Variants in CYRIA observed in about 807,000 individuals in gnomAD.
CYRIA encodes the protein CYFIP-related Rac1 interactor A.
In CYRIA, 15 loss-of-function variants were observed where a neutral mutation model predicts 43.9. The observed-to-expected ratio is 0.34, with a 90% CI of 0.23 to 0.53. CYRIA has a LOEUF of 0.53. CYRIA is among the 20% of genes least tolerant of loss of function. The pLI, the probability that CYRIA is intolerant of heterozygous loss-of-function variation, is 0.94. For synonymous variants in CYRIA, 117 were observed against 136.0 expected (o/e 0.86, Z 0.97); for missense variants, 236 against 394.2 (o/e 0.60, Z 3.40).
At chr2:16,553,699 T>C (rs1048507656) in intron 11 of CYRIA, among the ~76,000 whole-genome samples, 30 of 152,118 alleles carry the variant, frequency 2.0e-4, no homozygotes, top group African/African-American at 7.2e-4. Context: ...AATTGAGATT[T>C]GTGATTTCTG....
chr2:16,561,486 T>C lies in CYRIA; in HGVS notation c.483A>G (p.Thr161=). ...TGTTGTTGATGCGGTTGCGACTGAT[T>C]GTTCTTCTGTAGTAGCTGAAGTCAT... is the stretch of plus-strand genomic sequence containing the variant. ...IQNDFSYYRR[T]ISRNRINNMH... The change falls in exon 7 of 12, where the codon ACA becomes ACG. Residue 161 remains threonine, a synonymous_variant. Coordinates refer to ENST00000381323, the MANE Select transcript of CYRIA (RefSeq NM_030797.4). 6.2e-7 allele frequency: 1 copy of C among 1,613,820 alleles called. No individual in the cohort carries two copies. The highest frequency in any genetic ancestry group is 8.5e-7 in the Non-Finnish European group (1 of 1,179,782).
At chr2:16,555,211 C>T (rs1666463465) in intron 10 of CYRIA, 72 bp from the exon 11 acceptor site, 1 of 1,339,618 alleles carries the variant, frequency 7.5e-7, no homozygotes, top group South Asian at 1.2e-5. Context: ...CCCATAATAA[C>T]ATGTGCCCAT....
At position 16,630,895 on chromosome 2, in the gene CYRIA, G is replaced by A. The variant is rs939672028; in HGVS notation, c.-166-6876C>T. On this transcript the variant is annotated intron_variant, in intron 1 of 11. Coordinates refer to ENST00000381323, the MANE Select transcript of CYRIA (RefSeq NM_030797.4). ...CCTTAAGCAGGTTTGAGATGTCAGC[G>A]GCTGACAGCCTGCCTTGTCTCCATC... Among the ~76,000 whole-genome samples the A allele has an allele frequency of 1.8e-4, 27 of 152,182 alleles. 1 individual carries two copies. The highest frequency in any genetic ancestry group is 6.0e-4 in the African/African-American group (25 of 41,442).
chr2:16,558,182 A>G (rs1666596432), intron 10 of CYRIA, among the ~76,000 whole-genome samples: 1 of 152,146 alleles, frequency 6.6e-6, no homozygotes, highest in Non-Finnish European at 1.5e-5. Context: ...TATTTAATTT[A>G]CTATGTCTTG....
At chr2:16,631,288 G>T (rs1415524564) in intron 1 of CYRIA, among the ~76,000 whole-genome samples, 1 of 152,248 alleles carries the variant, frequency 6.6e-6, no homozygotes, top group African/African-American at 2.4e-5. Context: ...CCAGAGCCCT[G>T]CACAAATGAG....
chr2:16,627,927 C>T (rs966778694), intron 1 of CYRIA, among the ~76,000 whole-genome samples: 1 of 152,142 alleles, frequency 6.6e-6, no homozygotes, highest in Non-Finnish European at 1.5e-5. Flanking sequence ...GGGGATGATG[C>T]CTTGGAAAGC....
intron 1 of CYRIA, among the ~76,000 whole-genome samples, chr2:16,651,783 A>ATT (rs369641843): frequency 6.6e-6 from 1 of 150,704 alleles, no homozygotes; most frequent in Admixed American, 6.6e-5. Context: ...GGTGCCGTGA[A>ATT]TTTTTTTTTT....
At chr2:16,630,564 G>A (rs1028352953) in intron 1 of CYRIA, among the ~76,000 whole-genome samples, 1 of 152,166 alleles carries the variant, frequency 6.6e-6, no homozygotes, top group African/African-American at 2.4e-5. Context: ...CTGCCAAACT[G>A]GCTGCAGCAT....
chr2:16,638,548 C>G (rs1722415), intron 1 of CYRIA, among the ~76,000 whole-genome samples: 84,757 of 151,830 alleles, frequency 0.56, 27,752 homozygotes, highest in East Asian at 0.95. Context: ...AAGTGACAAA[C>G]CTCCTCATGT....
At chr2:16,603,117 C>A (rs1243487081) in intron 2 of CYRIA, among the ~76,000 whole-genome samples, 1 of 152,114 alleles carries the variant, frequency 6.6e-6, no homozygotes, top group South Asian at 2.1e-4. Context: ...CAGTGCCTGT[C>A]GGACAGAATG....
At chr2:16,632,586 G>A (rs540037329) in intron 1 of CYRIA, among the ~76,000 whole-genome samples, 1 of 152,290 alleles carries the variant, frequency 6.6e-6, no homozygotes, top group South Asian at 2.1e-4. Flanking sequence ...GATACTCTGA[G>A]GTTGGTCATC....
intron 1 of CYRIA, among the ~76,000 whole-genome samples, chr2:16,641,882 A>C (rs200820295): frequency 6.6e-6 from 1 of 152,178 alleles, no homozygotes; most frequent in East Asian, 1.9e-4. Flanking sequence ...ATCTTTATTA[A>C]ACCCATTAGC....
intron 2 of CYRIA, among the ~76,000 whole-genome samples, chr2:16,593,901 C>G (rs1217351362): frequency 1.4e-5 from 2 of 138,844 alleles, no homozygotes. Context: ...CCACAGTCCC[C>G]AGAGTGTGAT....
chr2:16,659,451 T>C (rs988403565), intron 1 of CYRIA, among the ~76,000 whole-genome samples: 2 of 152,232 alleles, frequency 1.3e-5, no homozygotes, highest in African/African-American at 4.8e-5. Context: ...AAAATGTTTA[T>C]CATTGTCCTG....
rs1011707577 is a variant in CYRIA at position 16,549,710 on chromosome 2, A to G, written c.*3226T>C. 2.0e-5 allele frequency: 3 copies of G among 152,170 alleles called. No individual in the cohort carries two copies. The highest frequency in any genetic ancestry group is 7.2e-5 in the African/African-American group (3 of 41,454). The allele number at this position is 152,170 out of a possible 1,614,324, so 9.4% of individuals were successfully genotyped here. ...AAAAATATTTGTAGCTGCATAGGAT[A>G]CAAGATTGAATGAGAAGTCTCTGAA... is the stretch of plus-strand genomic sequence containing the variant. On this transcript the variant is annotated 3_prime_UTR_variant, in exon 12 of 12. Transcript: ENST00000381323.
chr2:16,630,787 C>T (rs1669306229), intron 1 of CYRIA, among the ~76,000 whole-genome samples: 1 of 152,204 alleles, frequency 6.6e-6, no homozygotes, highest in African/African-American at 2.4e-5. Flanking sequence ...GGATGTCAGA[C>T]AAAGGGTCAT....
intron 3 of CYRIA, among the ~76,000 whole-genome samples, chr2:16,571,250 T>C (rs1156917360): frequency 2.0e-5 from 3 of 152,204 alleles, no homozygotes; most frequent in Non-Finnish European, 4.4e-5. Flanking sequence ...GCTCAATTTG[T>C]TAATGCTGGT....
At chr2:16,558,032 A>G (rs987393461) in intron 10 of CYRIA, among the ~76,000 whole-genome samples, 4 of 152,162 alleles carry the variant, frequency 2.6e-5, no homozygotes, top group Admixed American at 2.6e-4. Flanking sequence ...ATGTTTCAAA[A>G]TAGCACGTAA....
chr2:16,582,996 A>AT (rs1241672508), intron 3 of CYRIA, among the ~76,000 whole-genome samples: 1 of 152,156 alleles, frequency 6.6e-6, no homozygotes, highest in Non-Finnish European at 1.5e-5. Flanking sequence ...TGATAATCCC[A>AT]TTTTTTTCAC....
Sources: gnomAD v4.1 joint callset for allele counts (sites outside exome capture counted in the v4.1 genomes callset) on GRCh38, gnomAD v4.1.1 for gene constraint, MANE v1.5 for transcripts, NCBI Gene and HGNC (gene_info 2026-07-23, HGNC 2026-07-21) for gene names.